TBC1D23: variants seen among roughly 807,000 people sequenced by gnomAD.
The protein encoded by TBC1D23 is HCV non-structural protein 4A-transactivated protein 1.
Under a neutral mutation model 91.4 loss-of-function variants are expected in TBC1D23, and 55 were observed. That is an observed-to-expected ratio of 0.60 (90% confidence interval 0.48 to 0.75). TBC1D23 has a LOEUF of 0.75. TBC1D23 is among the 30% of genes least tolerant of loss of function. The probability of loss-of-function intolerance (pLI) is 0.00; values close to 1 mark genes in which losing one functional copy is unlikely to be tolerated. For synonymous variants in TBC1D23, 289 were observed against 281.0 expected, an observed-to-expected ratio of 1.03 and a Z score of -0.28; for missense variants, 725 against 836.1, an observed-to-expected ratio of 0.87 and a Z score of 1.64.
intron 15 of TBC1D23, among the ~76,000 whole-genome samples, 152 bp downstream of exon 15, chr3:100,312,029 T>C (rs1360156941): frequency 1.3e-5 from 2 of 152,242 alleles, no homozygotes; most frequent in African/African-American, 4.8e-5. Context: ...GAGTGTGTCA[T>C]GTTTATTGAT....
intron 8 of TBC1D23, 151 bp from the exon 9 acceptor site, chr3:100,297,772 A>T: frequency 1.8e-6 from 1 of 549,476 alleles, no homozygotes; most frequent in Non-Finnish European, 3.0e-6. Context: ...TTCTTAGCCT[A>T]TAAAATTTGA....
chr3:100,318,912 C>G (rs1705802152), intron 16 of TBC1D23, among the ~76,000 whole-genome samples, 157 bp from the exon 17 acceptor site: 1 of 152,118 alleles, frequency 6.6e-6, no homozygotes, highest in Non-Finnish European at 1.5e-5. Flanking sequence ...CTCAGCCTCC[C>G]AAAGTGCTGT....
intron 1 of TBC1D23, among the ~76,000 whole-genome samples, chr3:100,278,682 C>A (rs1445157295): frequency 6.6e-6 from 1 of 152,170 alleles, no homozygotes; most frequent in East Asian, 1.9e-4. Flanking sequence ...CTGCGCCCAG[C>A]TGGAATTGAT....
At chr3:100,292,261 T>C (rs921593923) in intron 5 of TBC1D23, among the ~76,000 whole-genome samples, 1 of 152,216 alleles carries the variant, frequency 6.6e-6, no homozygotes, top group Admixed American at 6.5e-5. Context: ...GGTTAACTGC[T>C]GCTCTTCTGG....
At chr3:100,273,274 A>C (rs1263819756) in intron 1 of TBC1D23, among the ~76,000 whole-genome samples, 1 of 152,154 alleles carries the variant, frequency 6.6e-6, no homozygotes, top group African/African-American at 2.4e-5. Context: ...CACAGCCCTT[A>C]ATCCATTTAA....
chr3:100,264,298 C>CAGGG (rs1034014648), intron 1 of TBC1D23, among the ~76,000 whole-genome samples: 3 of 151,754 alleles, frequency 2.0e-5, no homozygotes, highest in African/African-American at 7.3e-5. Flanking sequence ...CTCTCCCCTC[C>CAGGG]CCCTCCCTCC....
intron 1 of TBC1D23, among the ~76,000 whole-genome samples, chr3:100,261,969 T>TA (rs2067514836): frequency 1.3e-5 from 2 of 152,228 alleles, no homozygotes; most frequent in African/African-American, 4.8e-5. Context: ...ATTGTATGTG[T>TA]ACAGCTCATG....
chr3:100,271,455 A>T (rs2067598627), intron 1 of TBC1D23, among the ~76,000 whole-genome samples: 1 of 152,126 alleles, frequency 6.6e-6, no homozygotes, highest in Admixed American at 6.6e-5. Context: ...GGGATAATGG[A>T]TGGCACATGG....
At chr3:100,299,819 C>G (rs1409739136) in intron 10 of TBC1D23, among the ~76,000 whole-genome samples, 1 of 152,158 alleles carries the variant, frequency 6.6e-6, no homozygotes, top group Non-Finnish European at 1.5e-5. Context: ...CCCAGATACC[C>G]TTTTGGCATT....
chr3:100,281,355 G>A (rs1462091472), intron 2 of TBC1D23, among the ~76,000 whole-genome samples: 1 of 152,062 alleles, frequency 6.6e-6, no homozygotes, highest in African/African-American at 2.4e-5. Context: ...TTACAAAACA[G>A]TGAAAACATT....
At chr3:100,310,932 G>A (rs935721949) in intron 14 of TBC1D23, among the ~76,000 whole-genome samples, 1 of 152,166 alleles carries the variant, frequency 6.6e-6, no homozygotes, top group Non-Finnish European at 1.5e-5. Flanking sequence ...AGAAAATCTG[G>A]TCATGCTAAA....
At chr3:100,276,993 T>C (rs1280245559) in intron 1 of TBC1D23, among the ~76,000 whole-genome samples, 1 of 152,216 alleles carries the variant, frequency 6.6e-6, no homozygotes, top group Non-Finnish European at 1.5e-5. Flanking sequence ...ATGTCCAGTG[T>C]AACTGTACCA....
intron 2 of TBC1D23, among the ~76,000 whole-genome samples, chr3:100,281,405 T>C (rs1312805264): frequency 2.0e-5 from 3 of 152,238 alleles, no homozygotes; most frequent in African/African-American, 7.2e-5. Context: ...AATTTTAAAA[T>C]GTACATGGCA....
At position 100,279,768 on chromosome 3, in the gene TBC1D23, G is replaced by A; in HGVS notation, c.165+8G>A. ...AGGGCCAAAGTTTGGAAGGTAACTA[G>A]AAACTAAAATGAATAAAATGTAATC... On this transcript the variant is annotated splice_region_variant and intron_variant, in intron 2 of 18. Transcript: ENST00000394144. 6.6e-7 allele frequency: 1 copy of A among 1,506,488 alleles called. No individual in the cohort carries two copies. The highest frequency in any genetic ancestry group is 9.1e-7 in the Non-Finnish European group (1 of 1,093,584). The allele number at this position is 1,506,488 out of a possible 1,614,324, so 93.3% of individuals were successfully genotyped here. A position where few individuals can be genotyped will look rare whatever the true frequency, so the allele number is the denominator to read the frequency against.
At chr3:100,302,862 A>G (rs1206667541) in intron 11 of TBC1D23, among the ~76,000 whole-genome samples, 3 of 152,246 alleles carry the variant, frequency 2.0e-5, no homozygotes, top group Non-Finnish European at 4.4e-5. Flanking sequence ...TGCTGGAATT[A>G]CAGGCATGAG....
intron 15 of TBC1D23, among the ~76,000 whole-genome samples, chr3:100,314,384 C>T (rs1184266349): frequency 2.0e-5 from 3 of 152,032 alleles, no homozygotes; most frequent in East Asian, 1.9e-4. Context: ...GGATTACAAG[C>T]GTGAGCCACT....
intron 10 of TBC1D23, 51 bp downstream of exon 10, chr3:100,299,382 G>T (rs1170068750): frequency 1.5e-5 from 18 of 1,195,974 alleles, no homozygotes; most frequent in Non-Finnish European, 1.9e-5. Flanking sequence ...TTTTCCTTCA[G>T]TTCATAAATA....
chr3:100,302,288 TA>T (rs1559810791), intron 11 of TBC1D23, 51 bp downstream of exon 11: 1 of 1,439,148 alleles, frequency 6.9e-7, no homozygotes. Context: ...TTATCACCTT[TA>T]AAAAATTTAC....
chr3:100,281,179 G>A (rs756741986), intron 2 of TBC1D23, among the ~76,000 whole-genome samples: 8 of 151,928 alleles, frequency 5.3e-5, no homozygotes, highest in Non-Finnish European at 8.8e-5. Flanking sequence ...AAAAAAGACT[G>A]GTAATTCCTT....
Sources: gnomAD v4.1 joint callset for allele counts (sites outside exome capture counted in the v4.1 genomes callset) on GRCh38, gnomAD v4.1.1 for gene constraint, MANE v1.5 for transcripts, NCBI Gene and HGNC (gene_info 2026-07-23, HGNC 2026-07-21) for gene names.